Variants in SLC8A3 observed in about 807,000 individuals in gnomAD.
The protein encoded by SLC8A3 is solute carrier family 8 member A3.
Under a neutral mutation model 65.4 loss-of-function variants are expected in SLC8A3, and 37 were observed. The ratio of observed to expected loss-of-function variants is 0.57; its 90% CI spans 0.44 to 0.74. SLC8A3 has a LOEUF of 0.74. SLC8A3 is among the 30% of genes least tolerant of loss of function. The pLI is 0.00. For synonymous variants in SLC8A3, 461 were observed against 444.5 expected (o/e 1.04, Z -0.47); for missense variants, 1,112 against 1,172.1 (o/e 0.95, Z 0.75).
chr14:70,176,411 C>A (rs1269090006), intron 1 of SLC8A3, among the ~76,000 whole-genome samples: 7 of 152,170 alleles, frequency 4.6e-5, no homozygotes, highest in African/African-American at 1.7e-4. Flanking sequence ...TACTCCAGAC[C>A]TAAGTTTTGA....
rs1456741529 is a variant in SLC8A3, at chr14:70,167,394, AGCATAGTAATTG to A, written c.1017_1028del (p.Asn340_Ala343del). 1 of 1,613,988 alleles carries A rather than the reference AGCATAGTAATTG, an allele frequency of 6.2e-7. No individual in the cohort carries two copies. The highest frequency in any genetic ancestry group is 8.5e-7 in the Non-Finnish European group (1 of 1,180,034). ...CACGGCTCTTCTGTTGGTGGGAAAG[AGCATAGTAATTG>A]GCCATCTCCACCAGCTGATCTAAGT... On this transcript the variant is annotated inframe_deletion, in exon 2 of 7. Transcript: ENST00000356921.
Position 70,075,686 on chromosome 14 carries a change from T to C in SLC8A3, c.1785-14747A>G, listed in dbSNP as rs1351452826. On this transcript the variant is annotated intron_variant, in intron 2 of 6. Coordinates refer to ENST00000356921, the MANE Select transcript of SLC8A3 (RefSeq NM_182932.3). ...TTTATCTCCCTGCTTCCATTTCTCT[T>C]AGCCTGTTATGGTCCATTCTCTCCT... 1.3e-5 allele frequency among the ~76,000 whole-genome samples: 2 copies of C among 152,202 alleles called. 1 individual carries two copies. The highest frequency in any genetic ancestry group is 2.9e-5 in the Non-Finnish European group (2 of 68,032).
chr14:70,054,670 T>G (rs1887883260), intron 3 of SLC8A3, among the ~76,000 whole-genome samples: 3 of 152,048 alleles, frequency 2.0e-5, no homozygotes, highest in Admixed American at 2.0e-4. Flanking sequence ...CTTATTTTGT[T>G]GGTATAAAAA....
At chr14:70,138,636 T>C (rs955062751) in intron 2 of SLC8A3, among the ~76,000 whole-genome samples, 3 of 152,222 alleles carry the variant, frequency 2.0e-5, no homozygotes, top group African/African-American at 4.8e-5. Context: ...TTGGTCTCCA[T>C]ACTTGAAGTT....
At chr14:70,111,967 G>A (rs1158100549) in intron 2 of SLC8A3, among the ~76,000 whole-genome samples, 1 of 152,224 alleles carries the variant, frequency 6.6e-6, no homozygotes, top group Non-Finnish European at 1.5e-5. Flanking sequence ...AATGGTGGGA[G>A]CTAGAGCTGC....
intron 2 of SLC8A3, among the ~76,000 whole-genome samples, chr14:70,105,047 C>T (rs1330597650): frequency 2.6e-5 from 4 of 152,138 alleles, no homozygotes; most frequent in Non-Finnish European, 4.4e-5. Flanking sequence ...TGGTAAACCT[C>T]GGCCAGGCGC....
At position 70,046,320 on chromosome 14, in the gene SLC8A3, G is replaced by A. The variant is rs765287679; in HGVS notation, c.2393C>T (p.Thr798Met). Residue 798 changes from threonine (T) to methionine (M), a missense_variant, in exon 7 of 7, where the codon ACG becomes ATG. Coordinates refer to ENST00000356921, the MANE Select transcript of SLC8A3 (RefSeq NM_182932.3). This position sits in a 1 kb window ranked among gnomAD's most constrained non-coding sequence, Gnocchi z 4.2. Reference protein sequence around the residue: ...FVAFGTSVPDTFASKAAALQD... With the variant: ...FVAFGTSVPDMFASKAAALQD... Reference sequence around the variant, plus strand: ...GAGGGCAGCAGCTTTGCTGGCAAACGTATCTGGAAAAGGACAAAGACACAT... The same window carrying A: ...GAGGGCAGCAGCTTTGCTGGCAAACATATCTGGAAAAGGACAAAGACACAT... 3.7e-6 allele frequency: 6 copies of A among 1,602,532 alleles called. No individual in the cohort carries two copies. Among genetic ancestry groups the A allele is most frequent in the Admixed American group, 3.4e-5 (2 of 59,170 alleles).
At chr14:70,174,508 G>T (rs961431291) in intron 1 of SLC8A3, among the ~76,000 whole-genome samples, 1 of 152,058 alleles carries the variant, frequency 6.6e-6, no homozygotes, top group African/African-American at 2.4e-5. Flanking sequence ...CCACGTGAAA[G>T]CCAGGTGTGG....
intron 2 of SLC8A3, among the ~76,000 whole-genome samples, chr14:70,109,018 T>C (rs1246957191): frequency 6.6e-6 from 1 of 152,186 alleles, no homozygotes. Flanking sequence ...AGTTTATCCA[T>C]TGATGTCTGT....
At chr14:70,055,228 T>A (rs754628383) in intron 3 of SLC8A3, among the ~76,000 whole-genome samples, 2 of 152,154 alleles carry the variant, frequency 1.3e-5, no homozygotes, top group Non-Finnish European at 2.9e-5. Flanking sequence ...ACATAGGACT[T>A]TAAGGGTCAA....
intron 2 of SLC8A3, among the ~76,000 whole-genome samples, chr14:70,100,448 G>T (rs1328586603): frequency 1.3e-5 from 2 of 152,128 alleles, no homozygotes; most frequent in African/African-American, 4.8e-5. Context: ...GTCTTTATTG[G>T]TTTTTTAAAA....
intron 2 of SLC8A3, among the ~76,000 whole-genome samples, chr14:70,136,698 T>G (rs1430796246): frequency 6.6e-6 from 1 of 152,254 alleles, no homozygotes; most frequent in Non-Finnish European, 1.5e-5. Flanking sequence ...ATCCTGCTTA[T>G]TTTTCTCACA....
At chr14:70,085,647 G>T (rs1474529114) in intron 2 of SLC8A3, among the ~76,000 whole-genome samples, 1 of 152,208 alleles carries the variant, frequency 6.6e-6, no homozygotes, top group African/African-American at 2.4e-5. Context: ...AGATTTCGCA[G>T]TCCAATGGGG....
At chr14:70,048,476 A>G in intron 6 of SLC8A3, 1 of 601,822 alleles carries the variant, frequency 1.7e-6, no homozygotes, top group East Asian at 2.7e-5. Context: ...TGAAGTGGGG[A>G]TAATAACTTA....
chr14:70,160,463 A>G (rs547934600), intron 2 of SLC8A3, among the ~76,000 whole-genome samples: 1 of 152,258 alleles, frequency 6.6e-6, no homozygotes, highest in Non-Finnish European at 1.5e-5. Context: ...TATGGGAGAG[A>G]ATATGCCTAG....
At chr14:70,047,999 A>G (rs1886988912) in intron 6 of SLC8A3, 1 of 152,298 alleles carries the variant, frequency 6.6e-6, no homozygotes, top group East Asian at 1.9e-4. Flanking sequence ...GTGGAGAAGG[A>G]AGCATGTGTA....
chr14:70,061,568 AAG>A (rs3052680), intron 2 of SLC8A3, among the ~76,000 whole-genome samples: 32,367 of 149,916 alleles, frequency 0.22, 3,636 homozygotes, highest in African/African-American at 0.28. Context: ...GAGAAAGAGA[AAG>A]AGAGAGAGAG....
intron 2 of SLC8A3, among the ~76,000 whole-genome samples, chr14:70,162,855 C>T (rs931856465): frequency 6.6e-6 from 1 of 152,130 alleles, no homozygotes; most frequent in African/African-American, 2.4e-5. Flanking sequence ...TAATCATGTA[C>T]CTATCCCCAC....
chr14:70,066,939 A>C (rs1302569254), intron 2 of SLC8A3, among the ~76,000 whole-genome samples: 1 of 152,130 alleles, frequency 6.6e-6, no homozygotes, highest in African/African-American at 2.4e-5. Flanking sequence ...TCCCCACATT[A>C]TAGCCAGGGT....
Sources: gnomAD v4.1 joint callset for allele counts (sites outside exome capture counted in the v4.1 genomes callset) on GRCh38, gnomAD v4.1.1 for gene constraint, Gnocchi (gnomAD v3.1) non-coding constraint, MANE v1.5 for transcripts, NCBI Gene and HGNC (gene_info 2026-07-23, HGNC 2026-07-21) for gene names.